Variants in RIMS1 observed in about 807,000 individuals in gnomAD.
RIMS1 encodes regulating synaptic membrane exocytosis 1.
In RIMS1, 83 loss-of-function variants were observed where a neutral mutation model predicts 214.1. The observed-to-expected ratio is 0.39, with a 90% CI of 0.32 to 0.47. The LOEUF (loss-of-function observed/expected upper bound fraction) is 0.47, where lower values mean the gene tolerates loss of function less well. Among genes scored for constraint, RIMS1 ranks in the 20% least tolerant of loss-of-function variants. RIMS1 has a pLI of 0.99. For missense variants in RIMS1, 2,050 were observed against 2,161.8 expected (o/e 0.95, Z 1.03); for synonymous variants, 793 against 786.8 (o/e 1.01, Z -0.13).
intron 2 of RIMS1, among the ~76,000 whole-genome samples, chr6:72,067,490 G>A (rs1292885164): frequency 1.3e-5 from 2 of 152,104 alleles, no homozygotes; most frequent in African/African-American, 4.8e-5. Context: ...AGAGGGGCTG[G>A]TCAGGACTTT....
At chr6:72,020,034 A>G (rs922086545) in intron 2 of RIMS1, among the ~76,000 whole-genome samples, 1 of 152,194 alleles carries the variant, frequency 6.6e-6, no homozygotes, top group African/African-American at 2.4e-5. Flanking sequence ...CTGGGGTTCA[A>G]ATCCTGCTCT....
intron 2 of RIMS1, among the ~76,000 whole-genome samples, chr6:72,004,571 G>A (rs9360520): frequency 0.54 from 79,930 of 148,450 alleles, 21,630 homozygotes; most frequent in Non-Finnish European, 0.6. Flanking sequence ...TCTAACTGGT[G>A]TGAGATGGTA....
At chr6:72,146,400 A>G (rs554017725) in intron 4 of RIMS1, among the ~76,000 whole-genome samples, 3 of 152,314 alleles carry the variant, frequency 2.0e-5, no homozygotes, top group South Asian at 2.1e-4. Flanking sequence ...TCATCCTTGC[A>G]TTACTCTACC....
intron 30 of RIMS1, among the ~76,000 whole-genome samples, chr6:72,392,175 A>C (rs368204792): frequency 1.4e-4 from 22 of 152,352 alleles, no homozygotes; most frequent in East Asian, 7.7e-4. Context: ...GTTGTATTAT[A>C]GGAAGAAATA....
At chr6:72,255,360 G>T (rs527241284) in intron 16 of RIMS1, among the ~76,000 whole-genome samples, 1 of 152,204 alleles carries the variant, frequency 6.6e-6, no homozygotes, top group East Asian at 1.9e-4. Context: ...GGAAGTTCCT[G>T]GTTGTTTATT....
chr6:72,035,906 T>G (rs1269263814), intron 2 of RIMS1, among the ~76,000 whole-genome samples: 2 of 152,168 alleles, frequency 1.3e-5, no homozygotes, highest in African/African-American at 4.8e-5. Flanking sequence ...GTAATACTTT[T>G]GAATAGAAAG....
chr6:71,963,184 A>G (rs1459400097), intron 1 of RIMS1, among the ~76,000 whole-genome samples: 1 of 152,204 alleles, frequency 6.6e-6, no homozygotes. Flanking sequence ...TCTTTTAAGT[A>G]TTAAAGACAG....
intron 18 of RIMS1, among the ~76,000 whole-genome samples, 158 bp downstream of exon 18, chr6:72,259,269 A>T (rs1443211064): frequency 6.6e-6 from 1 of 152,190 alleles, no homozygotes; most frequent in African/African-American, 2.4e-5. Context: ...ATAGAAATGT[A>T]ACTCTAGGAA....
chr6:71,903,367 T>G (rs565160186), intron 1 of RIMS1, among the ~76,000 whole-genome samples: 9 of 152,270 alleles, frequency 5.9e-5, no homozygotes, highest in African/African-American at 2.2e-4. Flanking sequence ...CACTTTTTAA[T>G]GGAGTTGTGT....
chr6:72,288,462 A>G (rs1313068311), intron 24 of RIMS1, among the ~76,000 whole-genome samples: 2 of 152,128 alleles, frequency 1.3e-5, no homozygotes, highest in Admixed American at 6.6e-5. Flanking sequence ...TTATTTATCC[A>G]TCCTACACTC....
At chr6:71,983,513 A>G (rs950637225) in intron 2 of RIMS1, among the ~76,000 whole-genome samples, 1 of 152,026 alleles carries the variant, frequency 6.6e-6, no homozygotes, top group African/African-American at 2.4e-5. Flanking sequence ...AGGGACTATG[A>G]CTTTTTTCTT....
intron 2 of RIMS1, among the ~76,000 whole-genome samples, chr6:72,037,672 G>A (rs1487636281): frequency 3.3e-5 from 5 of 151,990 alleles, no homozygotes; most frequent in Admixed American, 3.3e-4. Flanking sequence ...AAGTTTTCTT[G>A]TGCCCCTTTG....
At chr6:72,385,517 T>C (rs2098579656) in intron 29 of RIMS1, among the ~76,000 whole-genome samples, 1 of 152,226 alleles carries the variant, frequency 6.6e-6, no homozygotes, top group Non-Finnish European at 1.5e-5. Context: ...CTTTACATTT[T>C]CCTAAAATGT....
intron 4 of RIMS1, among the ~76,000 whole-genome samples, chr6:72,174,088 GAGA>G (rs2047397814): frequency 6.6e-6 from 1 of 152,156 alleles, no homozygotes; most frequent in Admixed American, 6.5e-5. Context: ...GGGTTCTGCA[GAGA>G]AAATCAACTC....
At chr6:72,247,313 C>T (rs1449223121) in intron 11 of RIMS1, among the ~76,000 whole-genome samples, 1 of 151,902 alleles carries the variant, frequency 6.6e-6, no homozygotes, top group East Asian at 1.9e-4. Flanking sequence ...CCGAGGTGGG[C>T]GGATCACCTG....
chr6:72,098,738 T>A (rs2032690592), intron 3 of RIMS1, among the ~76,000 whole-genome samples: 1 of 152,172 alleles, frequency 6.6e-6, no homozygotes, highest in Non-Finnish European at 1.5e-5. Context: ...TAAATAAAAA[T>A]AACTAAAATC....
intron 2 of RIMS1, among the ~76,000 whole-genome samples, chr6:72,053,128 A>G (rs555269438): frequency 3.9e-4 from 60 of 152,244 alleles, no homozygotes; most frequent in African/African-American, 1.3e-3. Flanking sequence ...AAGTCTAACC[A>G]ACCTTGGCAT....
At chr6:72,217,424 A>G (rs969521654) in intron 6 of RIMS1, among the ~76,000 whole-genome samples, 9 of 152,206 alleles carry the variant, frequency 5.9e-5, no homozygotes, top group Non-Finnish European at 1.2e-4. Context: ...GTATTACATA[A>G]AGTTATTTTT....
At chr6:71,970,292 G>A (rs994437531) in intron 2 of RIMS1, among the ~76,000 whole-genome samples, 3 of 152,130 alleles carry the variant, frequency 2.0e-5, no homozygotes, top group African/African-American at 7.2e-5. Context: ...TATTCTGACT[G>A]TATGTAAAGC....
Sources: gnomAD v4.1 joint callset for allele counts (sites outside exome capture counted in the v4.1 genomes callset) on GRCh38, gnomAD v4.1.1 for gene constraint, MANE v1.5 for transcripts, NCBI Gene and HGNC (gene_info 2026-07-23, HGNC 2026-07-21) for gene names.